Variants in C1QTNF3 observed in about 807,000 individuals in gnomAD.
The protein encoded by C1QTNF3 is C1q and TNF related 3, also known as complement C1q tumor necrosis factor-related protein 3.
C1QTNF3 carries 26 observed loss-of-function variants against 32.6 expected under a neutral mutation model. That is an observed-to-expected ratio of 0.80 (90% CI 0.58 to 1.11). C1QTNF3 has a LOEUF of 1.11. C1QTNF3 is among the 50% of genes least tolerant of loss of function. C1QTNF3 has a pLI of 0.00. For missense variants in C1QTNF3, 362 were observed against 398.2 expected, an observed-to-expected ratio of 0.91 and a Z score of 0.77; for synonymous variants, 155 against 146.0, an observed-to-expected ratio of 1.06 and a Z score of -0.44.
At chr5:34,130,158 C>CATAT in the C1QTNF3 span, among the ~76,000 whole-genome samples, 1 of 151,614 alleles carries the variant, frequency 6.6e-6, no homozygotes, top group Non-Finnish European at 1.5e-5. Context: ...CACATACATA[C>CATAT]ATATATAAAT....
the C1QTNF3 span, among the ~76,000 whole-genome samples, chr5:34,225,836 C>T: frequency 6.6e-6 from 1 of 151,660 alleles, no homozygotes; most frequent in Non-Finnish European, 1.5e-5. Flanking sequence ...GATTTGGTTG[C>T]AACTTATTAA....
At chr5:34,034,000 A>G (rs1754678516) in intron 2 of C1QTNF3, among the ~76,000 whole-genome samples, 1 of 152,180 alleles carries the variant, frequency 6.6e-6, no homozygotes, top group Admixed American at 6.5e-5. Context: ...CATCTTTACA[A>G]AAATAGAAAT....
intron 2 of C1QTNF3, 41 bp from the exon 3 acceptor site, chr5:34,033,499 C>T: frequency 1.2e-6 from 2 of 1,612,724 alleles, no homozygotes; most frequent in Non-Finnish European, 1.7e-6. Context: ...AACCCAGTCA[C>T]TCATACTTAC....
chr5:34,098,825 C>T, the C1QTNF3 span, among the ~76,000 whole-genome samples: 1,588 of 92,002 alleles, frequency 0.017, no homozygotes, highest in South Asian at 0.045. Context: ...CTAAAGATAA[C>T]GTGTCTGCTG....
the C1QTNF3 span, among the ~76,000 whole-genome samples, chr5:34,170,143 A>C: frequency 6.6e-6 from 1 of 152,146 alleles, no homozygotes; most frequent in African/African-American, 2.4e-5. Context: ...AATATTGATG[A>C]ACCTAAGGGA....
the C1QTNF3 span, chr5:34,158,232 G>C: frequency 6.6e-6 from 1 of 151,474 alleles, no homozygotes; most frequent in African/African-American, 2.4e-5. Context: ...TCAGCCTCCC[G>C]AGTAGCTGGG....
At chr5:34,196,117 A>G in the C1QTNF3 span, among the ~76,000 whole-genome samples, 2 of 152,310 alleles carry the variant, frequency 1.3e-5, no homozygotes, top group African/African-American at 4.8e-5. Flanking sequence ...AGTCTCCACA[A>G]CTGTGAGAAA....
the C1QTNF3 span, among the ~76,000 whole-genome samples, chr5:34,210,092 A>C: frequency 1.3e-5 from 2 of 152,076 alleles, no homozygotes; most frequent in Admixed American, 6.5e-5. Context: ...ATTGAAAGTC[A>C]ATCTTTTTAT....
chr5:34,210,954 C>T, the C1QTNF3 span, among the ~76,000 whole-genome samples: 1 of 152,006 alleles, frequency 6.6e-6, no homozygotes, highest in African/African-American at 2.4e-5. Context: ...ATGTAAACCA[C>T]TAAATATGAT....
chr5:34,244,543 G>A, the C1QTNF3 span: 1 of 152,036 alleles, frequency 6.6e-6, no homozygotes, highest in South Asian at 2.1e-4. Flanking sequence ...CAATCCTTTA[G>A]CTAGACACAA....
the C1QTNF3 span, among the ~76,000 whole-genome samples, chr5:34,056,601 C>T: frequency 2.0e-5 from 3 of 151,068 alleles, no homozygotes; most frequent in Non-Finnish European, 4.4e-5. Flanking sequence ...CAGCCTTGAC[C>T]TCCCGGGCTC....
chr5:34,243,606 C>A, the C1QTNF3 span, among the ~76,000 whole-genome samples: 1 of 152,192 alleles, frequency 6.6e-6, no homozygotes, highest in South Asian at 2.1e-4. Flanking sequence ...AAATGTGGTA[C>A]ATATACACTA....
At chr5:34,225,994 A>T in the C1QTNF3 span, among the ~76,000 whole-genome samples, 5 of 151,954 alleles carry the variant, frequency 3.3e-5, no homozygotes, top group Admixed American at 3.3e-4. Flanking sequence ...ATCATTACTA[A>T]TTATTGCTGG....
the C1QTNF3 span, among the ~76,000 whole-genome samples, chr5:34,224,999 A>T: frequency 6.6e-6 from 1 of 152,210 alleles, no homozygotes; most frequent in East Asian, 1.9e-4. Context: ...GAAGGACATG[A>T]ACAGACACTT....
the C1QTNF3 span, among the ~76,000 whole-genome samples, chr5:34,161,388 TC>T: frequency 6.6e-6 from 1 of 152,138 alleles, no homozygotes; most frequent in Non-Finnish European, 1.5e-5. Context: ...ATTTCAGTGT[TC>T]AAATGCAAAT....
At chr5:34,176,763 G>A in the C1QTNF3 span, among the ~76,000 whole-genome samples, 6 of 152,018 alleles carry the variant, frequency 3.9e-5, no homozygotes, top group South Asian at 1.2e-3. Context: ...AGGCTGAGGT[G>A]GGAGGACTGC....
At chr5:34,221,863 G>C in the C1QTNF3 span, among the ~76,000 whole-genome samples, 5 of 151,978 alleles carry the variant, frequency 3.3e-5, no homozygotes, top group South Asian at 2.1e-4. Context: ...ATGAGGACTA[G>C]AGACCTGTCA....
chr5:34,223,876 T>C, the C1QTNF3 span, among the ~76,000 whole-genome samples: 1 of 152,116 alleles, frequency 6.6e-6, no homozygotes, highest in Non-Finnish European at 1.5e-5. Flanking sequence ...TGTTTGCAGA[T>C]GACATGATTG....
chr5:34,108,078 C>G, the C1QTNF3 span, among the ~76,000 whole-genome samples: 3 of 152,136 alleles, frequency 2.0e-5, no homozygotes, highest in African/African-American at 4.8e-5. Flanking sequence ...ATGAGCCCCC[C>G]CTCTCCTGCC....
Sources: allele counts gnomAD v4.1 joint callset (sites outside exome capture counted in the v4.1 genomes callset), GRCh38; gene constraint gnomAD v4.1.1; transcripts MANE v1.5; gene names NCBI Gene and HGNC (gene_info 2026-07-23, HGNC 2026-07-21).